The following DSCAM variants were observed in gnomAD, a reference collection of about 807,000 sequenced individuals.
The protein encoded by DSCAM is DS cell adhesion molecule, also known as cell adhesion molecule DSCAM.
A neutral mutation model predicts 217.7 loss-of-function variants in DSCAM; 47 were observed. The observed-to-expected ratio is 0.22, with a 90% CI of 0.17 to 0.28. The LOEUF (loss-of-function observed/expected upper bound fraction) is 0.28. Ranked by LOEUF, DSCAM falls within the 10% of genes least tolerant of loss-of-function variation. The pLI, the probability that DSCAM is intolerant of heterozygous loss-of-function variation, is 1.00. For missense variants in DSCAM, 2,080 were observed against 2,618.3 expected (o/e 0.79, Z 4.49); for synonymous variants, 1,056 against 1,015.3 (o/e 1.04, Z -0.76).
intron 11 of DSCAM, among the ~76,000 whole-genome samples, chr21:40,214,768 CAAGAAA>C (rs1448168264): frequency 7.5e-6 from 1 of 133,300 alleles, no homozygotes. Context: ...CAAAAAACAA[CAAGAAA>C]AAGACAAAGG....
intron 5 of DSCAM, among the ~76,000 whole-genome samples, chr21:40,352,781 C>A (rs2074646651): frequency 6.6e-6 from 1 of 152,126 alleles, no homozygotes; most frequent in Non-Finnish European, 1.5e-5. Context: ...TTGGTTTCTG[C>A]AAGAGCAAAA....
At chr21:40,108,437 G>A (rs1202111414) in intron 20 of DSCAM, among the ~76,000 whole-genome samples, 2 of 152,138 alleles carry the variant, frequency 1.3e-5, no homozygotes, top group African/African-American at 2.4e-5. Context: ...TTGGAATGAA[G>A]CTAACTAGGA....
intron 3 of DSCAM, among the ~76,000 whole-genome samples, chr21:40,475,136 C>T (rs978782269): frequency 1.3e-5 from 2 of 152,218 alleles, no homozygotes; most frequent in Non-Finnish European, 2.9e-5. Context: ...GACTGTCGTG[C>T]GCAATTAATG....
chr21:40,786,913 A>C (rs942719812), intron 1 of DSCAM, among the ~76,000 whole-genome samples: 1 of 152,224 alleles, frequency 6.6e-6, no homozygotes, highest in Non-Finnish European at 1.5e-5. Context: ...TACGAATCTG[A>C]AACTCAGAGA....
intron 27 of DSCAM, 117 bp from the exon 28 acceptor site, chr21:40,063,016 T>C (rs1349581329): frequency 1.3e-6 from 1 of 796,258 alleles, no homozygotes; most frequent in African/African-American, 1.8e-5. Flanking sequence ...CACAATCATA[T>C]ACCCAGCTCA....
intron 1 of DSCAM, among the ~76,000 whole-genome samples, chr21:40,760,731 T>C (rs1254159408): frequency 6.6e-6 from 1 of 152,224 alleles, no homozygotes; most frequent in Non-Finnish European, 1.5e-5. Flanking sequence ...GGCTGTGCTG[T>C]TTTTCTGGGA....
intron 21 of DSCAM, among the ~76,000 whole-genome samples, chr21:40,092,594 TTGAAAGCACAAA>T (rs1568936299): frequency 6.6e-6 from 1 of 152,238 alleles, no homozygotes; most frequent in Non-Finnish European, 1.5e-5. Context: ...AGATAGAACT[TTGAAAGCACAAA>T]GGAAAGGAAG....
intron 3 of DSCAM, among the ~76,000 whole-genome samples, chr21:40,627,771 C>T (rs1214574396): frequency 7.9e-5 from 12 of 152,248 alleles, no homozygotes; most frequent in Admixed American, 2.6e-4. Flanking sequence ...TGGAGAAGCA[C>T]GGGGATTTAA....
rs191032620 is a variant in DSCAM, at chr21:40,127,104, C to A, written c.3563-2776G>T. ...CTCATTTATAAATCTACAATAATAACTGTGCTGGCTTATGTTTTTACTGTT... is the reference window on the plus strand; with the variant it reads ...CTCATTTATAAATCTACAATAATAAATGTGCTGGCTTATGTTTTTACTGTT... On this transcript the variant is annotated intron_variant, in intron 19 of 32. Transcript: ENST00000400454. Among the ~76,000 whole-genome samples the A allele has an allele frequency of 2.5e-3, 379 of 152,270 alleles. 4 individuals are homozygous for A. The highest frequency in any genetic ancestry group is 8.8e-3 in the African/African-American group (366 of 41,560).
At chr21:40,267,181 G>T (rs982065177) in intron 11 of DSCAM, among the ~76,000 whole-genome samples, 2 of 149,996 alleles carry the variant, frequency 1.3e-5, no homozygotes, top group Non-Finnish European at 1.5e-5. Flanking sequence ...TATTGAAATA[G>T]AAAAAATTAA....
chr21:40,688,893 A>C (rs944224367), intron 3 of DSCAM, among the ~76,000 whole-genome samples: 1 of 152,204 alleles, frequency 6.6e-6, no homozygotes. Context: ...TGAACTCATT[A>C]ATGTCCTTGA....
At chr21:40,340,189 C>G (rs1412135190) in intron 6 of DSCAM, among the ~76,000 whole-genome samples, 1 of 152,098 alleles carries the variant, frequency 6.6e-6, no homozygotes, top group Non-Finnish European at 1.5e-5. Flanking sequence ...ACCTGGGACA[C>G]TTTTGAGGCT....
chr21:40,822,897 C>T (rs183067583), intron 1 of DSCAM, among the ~76,000 whole-genome samples: 1 of 152,316 alleles, frequency 6.6e-6, no homozygotes, highest in East Asian at 1.9e-4. Context: ...TGCCTGCAAT[C>T]TCAGCACTTT....
chr21:40,277,414 C>G (rs1413954754), intron 10 of DSCAM, among the ~76,000 whole-genome samples: 1 of 152,100 alleles, frequency 6.6e-6, no homozygotes, highest in Non-Finnish European at 1.5e-5. Context: ...TGGTCTCACT[C>G]GAGCTCACAA....
At chr21:40,602,288 T>G (rs1054427539) in intron 3 of DSCAM, among the ~76,000 whole-genome samples, 2 of 152,166 alleles carry the variant, frequency 1.3e-5, no homozygotes, top group Admixed American at 6.5e-5. Flanking sequence ...CTGGAAATCC[T>G]GAGCTCAAGC....
intron 3 of DSCAM, among the ~76,000 whole-genome samples, chr21:40,687,984 A>G (rs2090500086): frequency 6.6e-6 from 1 of 152,182 alleles, no homozygotes; most frequent in Non-Finnish European, 1.5e-5. Context: ...GTCCTTTGAT[A>G]TTTCATGTGG....
At chr21:40,306,421 G>T (rs1443413581) in intron 9 of DSCAM, among the ~76,000 whole-genome samples, 2 of 150,264 alleles carry the variant, frequency 1.3e-5, no homozygotes, top group Non-Finnish European at 2.9e-5. Flanking sequence ...TTTCCTAATT[G>T]AATACCCTTT....
At chr21:40,472,035 C>T (rs889153101) in intron 3 of DSCAM, among the ~76,000 whole-genome samples, 4 of 152,230 alleles carry the variant, frequency 2.6e-5, no homozygotes, top group South Asian at 2.1e-4. Flanking sequence ...TGAGTGAGAA[C>T]ATGCGGTGTT....
intron 3 of DSCAM, among the ~76,000 whole-genome samples, chr21:40,427,351 C>G (rs551397812): frequency 6.6e-6 from 1 of 152,334 alleles, no homozygotes; most frequent in African/African-American, 2.4e-5. Context: ...CCCAGCTGAC[C>G]ATGGCCCTGG....
Sources: allele counts gnomAD v4.1 joint callset (sites outside exome capture counted in the v4.1 genomes callset), GRCh38; gene constraint gnomAD v4.1.1; transcripts MANE v1.5; gene names NCBI Gene and HGNC (gene_info 2026-07-23, HGNC 2026-07-21).